TMEM132D: variants seen among roughly 807,000 people sequenced by gnomAD.
TMEM132D encodes transmembrane protein 132D.
Under a neutral mutation model 62.3 loss-of-function variants are expected in TMEM132D, and 21 were observed. The observed-to-expected ratio is 0.34, with a 90% confidence interval of 0.24 to 0.49. The LOEUF is 0.49. Ranked by LOEUF, TMEM132D falls within the 20% of genes least tolerant of loss-of-function variation. The pLI is 0.99. For synonymous variants in TMEM132D, 621 were observed against 575.6 expected (o/e 1.08, Z -1.13); for missense variants, 1,346 against 1,402.8 (o/e 0.96, Z 0.65).
chr12:129,112,675 T>G (rs1169374193), intron 5 of TMEM132D, among the ~76,000 whole-genome samples: 1 of 152,086 alleles, frequency 6.6e-6, no homozygotes, highest in African/African-American at 2.4e-5. Context: ...AAGAAAAAAA[T>G]TAAGTAAGAT....
chr12:129,220,390 A>G (rs1879316792), intron 4 of TMEM132D, among the ~76,000 whole-genome samples: 2 of 152,216 alleles, frequency 1.3e-5, no homozygotes, highest in Admixed American at 1.3e-4. Flanking sequence ...GTTGGCAGGG[A>G]CTGGATCGCA....
chr12:129,385,518 A>G lies in TMEM132D; in HGVS notation c.1116-47701T>C, dbSNP rs143763028. 2.0e-5 allele frequency among the ~76,000 whole-genome samples: 3 copies of G among 152,226 alleles called. No individual in the cohort carries two copies. The East Asian group carries it at 5.8e-4, about 29-fold the overall frequency. On this transcript the variant is annotated intron_variant, in intron 3 of 8. Coordinates refer to ENST00000422113, the MANE Select transcript of TMEM132D (RefSeq NM_133448.3). Reference sequence around the variant, plus strand: ...CTGAAAATAAACAGACTGTTCATTTACCTCCTGGCCACCAACCAGCCTAGT... The same window carrying G: ...CTGAAAATAAACAGACTGTTCATTTGCCTCCTGGCCACCAACCAGCCTAGT...
At chr12:129,787,795 G>C (rs1871283732) in intron 1 of TMEM132D, among the ~76,000 whole-genome samples, 1 of 152,184 alleles carries the variant, frequency 6.6e-6, no homozygotes, top group Admixed American at 6.5e-5. Context: ...ATCACACTTG[G>C]GGGAAGAGAA....
intron 3 of TMEM132D, among the ~76,000 whole-genome samples, chr12:129,511,121 C>A (rs1875485267): frequency 6.6e-6 from 1 of 152,100 alleles, no homozygotes; most frequent in African/African-American, 2.4e-5. Context: ...GTAAATACAT[C>A]ATAATAGTGA....
Position 129,447,656 on chromosome 12 carries a change from T to G in TMEM132D, c.1115+83403A>C, listed in dbSNP as rs575428629. On this transcript the variant is annotated intron_variant, in intron 3 of 8. Coordinates refer to ENST00000422113, the MANE Select transcript of TMEM132D (RefSeq NM_133448.3). ...TCTTGCCAAAAGGTTCATTGCTATCTAAATGATGTCTGTGCACTGTACAAA... is the reference window on the plus strand; with the variant it reads ...TCTTGCCAAAAGGTTCATTGCTATCGAAATGATGTCTGTGCACTGTACAAA... 2.0e-5 allele frequency among the ~76,000 whole-genome samples: 3 copies of G among 152,324 alleles called. No individual in the cohort carries two copies. In the East Asian group the frequency reaches 5.8e-4, roughly 29 times the overall value.
chr12:129,562,948 A>G (rs1345495337), intron 2 of TMEM132D, among the ~76,000 whole-genome samples: 1 of 152,220 alleles, frequency 6.6e-6, no homozygotes, highest in Non-Finnish European at 1.5e-5. Flanking sequence ...AGATAATTCT[A>G]TTACGGCACC....
intron 2 of TMEM132D, among the ~76,000 whole-genome samples, chr12:129,598,411 C>G (rs1878399833): frequency 6.6e-6 from 1 of 152,166 alleles, no homozygotes; most frequent in African/African-American, 2.4e-5. Flanking sequence ...TATGGAATGT[C>G]CACCCCAAAT....
At chr12:129,548,869 G>A (rs1412465821) in intron 2 of TMEM132D, among the ~76,000 whole-genome samples, 2 of 152,224 alleles carry the variant, frequency 1.3e-5, no homozygotes, top group Non-Finnish European at 2.9e-5. Flanking sequence ...TTACAAACAA[G>A]AAAACAGATT....
intron 2 of TMEM132D, among the ~76,000 whole-genome samples, chr12:129,584,426 C>A (rs1339525124): frequency 6.6e-6 from 1 of 152,220 alleles, no homozygotes. Context: ...TTGCCACTTT[C>A]ACGACCTTCG....
intron 4 of TMEM132D, among the ~76,000 whole-genome samples, chr12:129,236,899 C>G (rs534740002): frequency 2.6e-5 from 4 of 152,056 alleles, no homozygotes; most frequent in Non-Finnish European, 5.9e-5. Flanking sequence ...AGGTAAATTC[C>G]TTCTATACCT....
chr12:129,697,053 G>A lies in TMEM132D; in HGVS notation c.968+2757C>T, dbSNP rs553113255. Among the ~76,000 whole-genome samples, 51 of 152,272 alleles carry A rather than the reference G, an allele frequency of 3.3e-4. No homozygotes were observed. In the South Asian group the frequency reaches 5.0e-3, roughly 15 times the overall value. ...AGCTAACTCCTGTGCTTCAGCCGTC[G>A]CATGCCCCTGAGTGCCCCTGAGATC... On this transcript the variant is annotated intron_variant, in intron 2 of 8. Coordinates refer to ENST00000422113, the MANE Select transcript of TMEM132D (RefSeq NM_133448.3).
rs373872457 is a variant in TMEM132D at position 129,244,541 on chromosome 12, C to T, written c.1300-34878G>A. Reference sequence around the variant, plus strand: ...GAAATTGTAAACACCCATGCAAAGGCCTTGTGAGAGTATTTGTATTTAGCA... The same window carrying T: ...GAAATTGTAAACACCCATGCAAAGGTCTTGTGAGAGTATTTGTATTTAGCA... On this transcript the variant is annotated intron_variant, in intron 4 of 8. Transcript: ENST00000422113. 5.5e-4 allele frequency among the ~76,000 whole-genome samples: 84 copies of T among 152,326 alleles called. 2 individuals are homozygous for T. The South Asian group carries it at 0.017, about 30-fold the overall frequency.
At chr12:129,328,991 G>T (rs866134934) in intron 4 of TMEM132D, among the ~76,000 whole-genome samples, 86 of 147,812 alleles carry the variant, frequency 5.8e-4, no homozygotes, top group Admixed American at 1.2e-3. Context: ...TTATATATAT[G>T]TAAAGAACAT....
chr12:129,176,880 G>A (rs1040112962), intron 5 of TMEM132D, among the ~76,000 whole-genome samples: 2 of 152,256 alleles, frequency 1.3e-5, no homozygotes, highest in South Asian at 2.1e-4. Flanking sequence ...GCCAGGCACG[G>A]AGGTGTATTT....
chr12:129,549,471 T>G (rs1414980362), intron 2 of TMEM132D, among the ~76,000 whole-genome samples: 1 of 152,112 alleles, frequency 6.6e-6, no homozygotes, highest in African/African-American at 2.4e-5. Flanking sequence ...GATCTGATGG[T>G]TTTGTAAGAG....
intron 3 of TMEM132D, among the ~76,000 whole-genome samples, chr12:129,448,456 T>G (rs758622980): frequency 2.0e-5 from 3 of 152,198 alleles, no homozygotes; most frequent in Non-Finnish European, 4.4e-5. Flanking sequence ...GTCCCACTTA[T>G]AAGTGAGAAC....
chr12:129,144,383 A>G lies in TMEM132D; in HGVS notation c.1444-59681T>C, dbSNP rs1048833174. 3.3e-5 allele frequency among the ~76,000 whole-genome samples: 5 copies of G among 152,318 alleles called. No homozygotes were observed. In the South Asian group the frequency reaches 8.3e-4, roughly 25 times the overall value. ...TCTAACTTGCTTTGGTCAATCTGAC[A>G]TCAGCAAGCATCATAAGAACAGAGG... is the stretch of plus-strand genomic sequence containing the variant. On this transcript the variant is annotated intron_variant, in intron 5 of 8. Transcript: ENST00000422113.
chr12:129,629,507 T>G (rs539390982), intron 2 of TMEM132D, among the ~76,000 whole-genome samples: 1 of 152,306 alleles, frequency 6.6e-6, no homozygotes, highest in Admixed American at 6.5e-5. Context: ...CTAGGAGGCA[T>G]CTTCCTTGAT....
In TMEM132D at chr12:129,779,006, G is replaced by C. The variant is rs181628851; in HGVS notation, c.80-78308C>G. 3.3e-5 allele frequency among the ~76,000 whole-genome samples: 5 copies of C among 152,300 alleles called. No individual in the cohort carries two copies. Among genetic ancestry groups the C allele is most frequent in the Non-Finnish European group, 7.4e-5 (5 of 68,014 alleles). ...TTCTCTCTCACGTAAATACTATCTA[G>C]TGCTAAGCACTCCTGGGCTAGAATT... On this transcript the variant is annotated intron_variant, in intron 1 of 8. Transcript: ENST00000422113. The surrounding 1 kb of genome is among the most constrained non-coding windows in gnomAD (Gnocchi z 4.1).
Sources: allele counts gnomAD v4.1 joint callset (sites outside exome capture counted in the v4.1 genomes callset), GRCh38; gene constraint gnomAD v4.1.1; non-coding constraint Gnocchi (gnomAD v3.1); transcripts MANE v1.5; gene names NCBI Gene and HGNC (gene_info 2026-07-23, HGNC 2026-07-21).